CDH6: variants seen among roughly 807,000 people sequenced by gnomAD.
CDH6 encodes cadherin 6, also known as cadherin-6.
Under a neutral mutation model 78.0 loss-of-function variants are expected in CDH6, and 31 were observed. That is an observed-to-expected ratio of 0.40 (90% CI 0.30 to 0.54). The LOEUF (loss-of-function observed/expected upper bound fraction) is 0.54, where lower values mean the gene tolerates loss of function less well. CDH6 is among the 20% of genes least tolerant of loss of function. The probability of loss-of-function intolerance (pLI) is 0.56; values close to 1 mark genes in which losing one functional copy is unlikely to be tolerated. For missense variants in CDH6, 724 were observed against 975.9 expected (o/e 0.74, Z 3.44); for synonymous variants, 376 against 368.8 (o/e 1.02, Z -0.23).
chr5:31,328,336 TA>T lies in CDH6; in HGVS notation c.*5031del, dbSNP rs1410762400. 1 of 200,830 alleles carries T rather than the reference TA, an allele frequency of 5.0e-6. No homozygotes were observed. The highest frequency in any genetic ancestry group is 2.3e-5 in the African/African-American group (1 of 43,488). 12.4% of individuals were successfully genotyped at this position (200,830 alleles called of 1,614,324 possible). On this transcript the variant is annotated 3_prime_UTR_variant, in exon 12 of 12. Transcript: ENST00000265071. ...TTCTTGTGAGGCTACGTTATTTATG[TA>T]AATATGTCTGGAGGCACCTTCTCTA...
intron 2 of CDH6, among the ~76,000 whole-genome samples, chr5:31,290,765 C>T (rs1268705772): frequency 1.3e-5 from 2 of 152,008 alleles, no homozygotes; most frequent in African/African-American, 2.4e-5. Flanking sequence ...TCCGTGTACT[C>T]GGTCAGACCC....
intron 11 of CDH6, among the ~76,000 whole-genome samples, chr5:31,321,739 A>G (rs1011389194): frequency 6.6e-6 from 1 of 152,208 alleles, no homozygotes; most frequent in Admixed American, 6.5e-5. Context: ...TTCAGTTTTC[A>G]TGTCTCATAA....
Position 31,302,903 on chromosome 5 carries a change from A to AAAAGAAAAAG in CDH6, c.999+612_999+613insAAGAAAGAAA, listed in dbSNP as rs1554010013. Among the ~76,000 whole-genome samples, 200 of 90,456 alleles carry AAAAGAAAAAG rather than the reference A, an allele frequency of 2.2e-3. 2 individuals are homozygous for AAAAGAAAAAG. The highest frequency in any genetic ancestry group is 3.0e-3 in the Non-Finnish European group (129 of 43,304). The allele number at this position is 90,456 out of a possible 152,430, so 59.3% of individuals were successfully genotyped here. On this transcript the variant is annotated intron_variant, in intron 6 of 11. Transcript: ENST00000265071. ...GGAAGGAAGGAAAGAAAGAAAGAAA[A>AAAAGAAAAAG]AAAGAAAGAAAGAAAGAAAGAAAGA... is the stretch of plus-strand genomic sequence containing the variant.
intron 4 of CDH6, 53 bp downstream of exon 4, chr5:31,297,461 CAGCTG>C: frequency 7.5e-7 from 1 of 1,333,798 alleles, no homozygotes; most frequent in Non-Finnish European, 1.0e-6. Flanking sequence ...TTGACATGCT[CAGCTG>C]AGCTAGCATA....
intron 7 of CDH6, among the ~76,000 whole-genome samples, chr5:31,312,561 C>T (rs12186434): frequency 0.056 from 8,575 of 152,178 alleles, 264 homozygotes; most frequent in South Asian, 0.1. Context: ...CATGGTGACA[C>T]GCACCTGTGG....
rs1459296042 is a variant in CDH6, at chr5:31,325,014, T to A, written c.*1706T>A. Reference sequence around the variant, plus strand: ...ATTAATTTTCTACAAATAATTTTAGTGTCATTTCCATTTGGGGATATTGTC... The same window carrying A: ...ATTAATTTTCTACAAATAATTTTAGAGTCATTTCCATTTGGGGATATTGTC... On this transcript the variant is annotated 3_prime_UTR_variant, in exon 12 of 12. Coordinates refer to ENST00000265071, the MANE Select transcript of CDH6 (RefSeq NM_004932.4). 4.8e-6 allele frequency: 1 copy of A among 210,036 alleles called. No individual in the cohort carries two copies. The highest frequency in any genetic ancestry group is 9.7e-6 in the Non-Finnish European group (1 of 103,506). The allele number at this position is 210,036 out of a possible 1,614,324, so 13.0% of individuals were successfully genotyped here.
At chr5:31,228,765 C>T (rs1444325280) in intron 1 of CDH6, among the ~76,000 whole-genome samples, 3 of 152,158 alleles carry the variant, frequency 2.0e-5, no homozygotes, top group Non-Finnish European at 2.9e-5. Context: ...ATACAGGAGG[C>T]GGAGCTCAGG....
intron 11 of CDH6, among the ~76,000 whole-genome samples, chr5:31,319,937 G>A (rs142751101): frequency 1.6e-3 from 247 of 152,246 alleles, no homozygotes; most frequent in African/African-American, 5.8e-3. Context: ...TAAGAAAATA[G>A]GCTTAGAACG....
rs78349972 is a variant in CDH6, at chr5:31,295,424, TA to T, written c.523+1169del. Among the ~76,000 whole-genome samples the T allele has an allele frequency of 3.1e-3, 477 of 152,284 alleles. 11 individuals are homozygous for T. In the South Asian group the frequency reaches 0.047, roughly 15 times the overall value. On this transcript the variant is annotated intron_variant, in intron 3 of 11. Transcript: ENST00000265071. The stretch of plus-strand genomic sequence containing the variant: ...GGGCAACTGTAACCAGCTATGCAGG[TA>T]TTGCACTGCACAACTCTAGGGAGTG...
intron 8 of CDH6, among the ~76,000 whole-genome samples, chr5:31,315,025 C>T (rs1305337055): frequency 2.0e-5 from 3 of 152,160 alleles, no homozygotes; most frequent in Non-Finnish European, 1.5e-5. Context: ...AGCTCCCACT[C>T]ACCTCGGGGC....
chr5:31,314,635 G>A (rs115238152), intron 8 of CDH6, among the ~76,000 whole-genome samples: 2 of 151,982 alleles, frequency 1.3e-5, no homozygotes, highest in African/African-American at 4.8e-5. Flanking sequence ...AATTTTTCAA[G>A]ATTTATCTTG....
chr5:31,279,434 C>A (rs967118563), intron 2 of CDH6, among the ~76,000 whole-genome samples: 3 of 151,836 alleles, frequency 2.0e-5, no homozygotes, highest in African/African-American at 7.3e-5. Flanking sequence ...AAAAAATTAG[C>A]CAGGCGTGGT....
intron 2 of CDH6, among the ~76,000 whole-genome samples, chr5:31,290,933 T>A (rs1053333016): frequency 1.3e-5 from 2 of 152,264 alleles, no homozygotes; most frequent in African/African-American, 4.8e-5. Context: ...CTTCTCACTC[T>A]TCTTTAACGT....
chr5:31,258,503 G>A (rs1742120032), intron 1 of CDH6, among the ~76,000 whole-genome samples: 2 of 152,128 alleles, frequency 1.3e-5, no homozygotes. Context: ...GAGGGGCTAG[G>A]GGAGGGATAG....
At position 31,193,812 on chromosome 5, in the gene CDH6, G is replaced by A. The variant is rs1437627766; in HGVS notation, c.-203G>A. ...AAGAACGGCAGAGCCGGCGACCGCG[G>A]CGGCGGCGGCGGCGGAGGCAGGAGC... is the stretch of plus-strand genomic sequence containing the variant. On this transcript the variant is annotated 5_prime_UTR_variant, in exon 1 of 12. Coordinates refer to ENST00000265071, the MANE Select transcript of CDH6 (RefSeq NM_004932.4). The A allele has an allele frequency of 1.9e-5, 3 of 154,010 alleles. No homozygotes were observed. The highest frequency in any genetic ancestry group is 7.2e-5 in the African/African-American group (3 of 41,462). The allele number at this position is 154,010 out of a possible 1,614,324, so 9.5% of individuals were successfully genotyped here. A position where few individuals can be genotyped will look rare whatever the true frequency, so the allele number is the denominator to read the frequency against.
At chr5:31,222,735 T>A (rs1741036343) in intron 1 of CDH6, among the ~76,000 whole-genome samples, 1 of 152,166 alleles carries the variant, frequency 6.6e-6, no homozygotes, top group African/African-American at 2.4e-5. Flanking sequence ...AATAATTCAC[T>A]AATGGTGATT....
chr5:31,327,214 A>G lies in CDH6; in HGVS notation c.*3906A>G, dbSNP rs1738642516. 1.1e-5 allele frequency: 2 copies of G among 187,296 alleles called. No homozygotes were observed. Among genetic ancestry groups the G allele is most frequent in the Non-Finnish European group, 2.3e-5 (2 of 88,780 alleles). 11.6% of individuals were successfully genotyped at this position (187,296 alleles called of 1,614,324 possible). On this transcript the variant is annotated 3_prime_UTR_variant, in exon 12 of 12. Transcript: ENST00000265071. ...AATTCTATATACTCAAGCACCATAAAAAGTATGCAGTTGAAAAGAAAATCA... is the reference window on the plus strand; with the variant it reads ...AATTCTATATACTCAAGCACCATAAGAAGTATGCAGTTGAAAAGAAAATCA...
At position 31,328,491 on chromosome 5, in the gene CDH6, A is replaced by T. The variant is rs1738664824; in HGVS notation, c.*5183A>T. ...TGACCTGCTCGGAAGAAACGTAGGA[A>T]CGCTTCAAACCCACTGTAATGTTTG... On this transcript the variant is annotated 3_prime_UTR_variant, in exon 12 of 12. Transcript: ENST00000265071. The T allele has an allele frequency of 4.8e-6, 1 of 207,458 alleles. No homozygotes were observed. The highest frequency in any genetic ancestry group is 9.8e-6 in the Non-Finnish European group (1 of 101,658). 12.9% of individuals were successfully genotyped at this position (207,458 alleles called of 1,614,324 possible). A position where few individuals can be genotyped will look rare whatever the true frequency, so the allele number is the denominator to read the frequency against.
chr5:31,282,672 A>G (rs1351831702), intron 2 of CDH6, among the ~76,000 whole-genome samples: 2 of 152,164 alleles, frequency 1.3e-5, no homozygotes, highest in African/African-American at 2.4e-5. Context: ...TACTACCACT[A>G]TTATCACTCT....
Sources: allele counts gnomAD v4.1 joint callset (sites outside exome capture counted in the v4.1 genomes callset), GRCh38; gene constraint gnomAD v4.1.1; transcripts MANE v1.5; gene names NCBI Gene and HGNC (gene_info 2026-07-23, HGNC 2026-07-21).